The following PPP6R2 variants were observed in gnomAD, a reference collection of about 807,000 sequenced individuals.
PPP6R2 encodes protein phosphatase 6 regulatory subunit 2, also known as serine/threonine-protein phosphatase 6 regulatory subunit 2.
PPP6R2 carries 62 observed loss-of-function variants against 100.2 expected under a neutral mutation model. The observed-to-expected ratio is 0.62, with a 90% CI of 0.50 to 0.76. The LOEUF (loss-of-function observed/expected upper bound fraction) is 0.76, where lower values mean the gene tolerates loss of function less well. Ranked by LOEUF, PPP6R2 falls within the 30% of genes least tolerant of loss-of-function variation. The pLI, the probability that PPP6R2 is intolerant of heterozygous loss-of-function variation, is 0.00. For missense variants in PPP6R2, 1,142 were observed against 1,276.3 expected, an observed-to-expected ratio of 0.89 and a Z score of 1.60; for synonymous variants, 525 against 514.7, an observed-to-expected ratio of 1.02 and a Z score of -0.27.
At chr22:50,335,597 C>A in the PPP6R2 span, among the ~76,000 whole-genome samples, 3 of 151,282 alleles carry the variant, frequency 2.0e-5, no homozygotes, top group Non-Finnish European at 4.4e-5. Flanking sequence ...CTGCAACTTC[C>A]ACCTCCTGGG....
intron 12 of PPP6R2, 39 bp downstream of exon 12, chr22:50,432,368 A>C: frequency 1.3e-6 from 2 of 1,523,270 alleles, no homozygotes; most frequent in Non-Finnish European, 1.8e-6. Context: ...CAGCCTGGCC[A>C]GTCAGGGATG....
chr22:50,414,176 A>ATCAGC (rs1383194583), intron 4 of PPP6R2, among the ~76,000 whole-genome samples: 1 of 152,108 alleles, frequency 6.6e-6, no homozygotes, highest in African/African-American at 2.4e-5. Context: ...AGTGATGGCC[A>ATCAGC]TCAGCTCAGC....
In PPP6R2 at chr22:50,419,473, C is replaced by A. The variant is rs374045344; in HGVS notation, c.845+11C>A. 3 of 1,597,720 alleles carry A rather than the reference C, an allele frequency of 1.9e-6. No individual in the cohort carries two copies. Among genetic ancestry groups the A allele is most frequent in the East Asian group, 4.5e-5 (2 of 44,764 alleles). ...AACCAGGCGGGTTGGGTGAGTCTCA[C>A]GAGGAGAAATCGTGTAGAGCTGAAC... On this transcript the variant is annotated intron_variant, in intron 8 of 23. Coordinates refer to ENST00000612753, the MANE Select transcript of PPP6R2 (RefSeq NM_001242898.2).
intron 4 of PPP6R2, among the ~76,000 whole-genome samples, chr22:50,414,330 GGCCCCCCCCCCCCCCCCCCC>G (rs1345200291): frequency 1.4e-4 from 4 of 28,218 alleles, no homozygotes; most frequent in Admixed American, 1.2e-3. Context: ...CCTGTGCAGT[GGCCCCCCCCCCCCCCCCCCC>G]GCCCAGACCC....
chr22:50,373,615 G>A (rs1427823959), intron 2 of PPP6R2, among the ~76,000 whole-genome samples: 2 of 152,014 alleles, frequency 1.3e-5, no homozygotes, highest in Non-Finnish European at 2.9e-5. Context: ...GCAGTGGTGT[G>A]ATCATAGCTC....
chr22:50,360,156 G>A (rs28883654), intron 1 of PPP6R2, among the ~76,000 whole-genome samples: 34,305 of 151,012 alleles, frequency 0.23, 5,983 homozygotes, highest in African/African-American at 0.49. Context: ...GGGTTCAAGC[G>A]ATTCTCCTGC....
At chr22:50,427,376 A>G (rs1350160586) in intron 10 of PPP6R2, among the ~76,000 whole-genome samples, 1 of 152,116 alleles carries the variant, frequency 6.6e-6, no homozygotes, top group Non-Finnish European at 1.5e-5. Context: ...TGGCTATTCA[A>G]AGTCATCCCG....
chr22:50,342,508 C>G (rs1374965814), upstream of PPP6R2, among the ~76,000 whole-genome samples: 1 of 152,184 alleles, frequency 6.6e-6, no homozygotes, highest in Admixed American at 6.5e-5. Flanking sequence ...CCTAACAGCG[C>G]CAGCTGGCAA....
chr22:50,382,475 G>A (rs898048790), intron 2 of PPP6R2, among the ~76,000 whole-genome samples: 1 of 150,400 alleles, frequency 6.6e-6, no homozygotes, highest in African/African-American at 2.4e-5. Context: ...GCTCACGCCT[G>A]TAATCCCAGG....
chr22:50,421,338 G>GTGA (rs1417934176), intron 8 of PPP6R2, among the ~76,000 whole-genome samples: 8 of 152,074 alleles, frequency 5.3e-5, no homozygotes, highest in Non-Finnish European at 1.2e-4. Flanking sequence ...TTAGATTATT[G>GTGA]TGATTATTAT....
intron 2 of PPP6R2, among the ~76,000 whole-genome samples, chr22:50,385,542 TC>T (rs2054042569): frequency 6.9e-6 from 1 of 145,694 alleles, no homozygotes; most frequent in Non-Finnish European, 1.5e-5. Context: ...TGAGACGAAG[TC>T]TTGCTCTCAT....
intron 2 of PPP6R2, among the ~76,000 whole-genome samples, chr22:50,381,692 G>A (rs765173889): frequency 1.3e-5 from 2 of 152,002 alleles, no homozygotes; most frequent in Admixed American, 6.6e-5. Flanking sequence ...AGGCCGAGGC[G>A]GGTGGATCAC....
At chr22:50,340,449 G>T (rs1263409527), upstream of PPP6R2, among the ~76,000 whole-genome samples, 58 of 126,272 alleles carry the variant, frequency 4.6e-4, no homozygotes, top group African/African-American at 1.5e-3. Context: ...GTGGTATGTG[G>T]TGTGTGTGTG....
rs1158944282 is a variant in PPP6R2, at chr22:50,381,341, G to A, written c.-17+9191G>A. Among the ~76,000 whole-genome samples the A allele has an allele frequency of 1.9e-4, 14 of 72,456 alleles. 2 individuals are homozygous for A. Among genetic ancestry groups the A allele is most frequent in the African/African-American group, 1.1e-3 (14 of 12,666 alleles). 47.5% of individuals were successfully genotyped at this position (72,456 alleles called of 152,430 possible). Reference sequence around the variant, plus strand: ...TCAGCATCACACGGGCCTCACCTCAGCATCACACGGGCCCCACCTCAGCAC... The same window carrying A: ...TCAGCATCACACGGGCCTCACCTCAACATCACACGGGCCCCACCTCAGCAC... On this transcript the variant is annotated intron_variant, in intron 2 of 23. Transcript: ENST00000612753.
chr22:50,424,149 C>T (rs947299690), intron 10 of PPP6R2, among the ~76,000 whole-genome samples: 3 of 152,164 alleles, frequency 2.0e-5, no homozygotes, highest in East Asian at 3.9e-4. Context: ...CTGTGGGTGG[C>T]GGGCTCCTCT....
At chr22:50,387,228 G>C (rs1194017886) in intron 2 of PPP6R2, among the ~76,000 whole-genome samples, 2 of 151,954 alleles carry the variant, frequency 1.3e-5, no homozygotes, top group Admixed American at 6.6e-5. Flanking sequence ...TGCCCAGCTA[G>C]TTTTTAAAAC....
At chr22:50,432,434 G>A (rs1345938705) in intron 12 of PPP6R2, 105 bp downstream of exon 12, 15 of 1,151,430 alleles carry the variant, frequency 1.3e-5, no homozygotes, top group Non-Finnish European at 1.6e-5. Context: ...TGCAGGATCG[G>A]GTGGAGTGTA....
At chr22:50,368,672 G>A (rs189262524) in intron 1 of PPP6R2, among the ~76,000 whole-genome samples, 31 of 151,814 alleles carry the variant, frequency 2.0e-4, no homozygotes, top group African/African-American at 6.5e-4. Flanking sequence ...GTAGCTTGCC[G>A]CCCACAATAC....
intron 1 of PPP6R2, among the ~76,000 whole-genome samples, chr22:50,355,123 G>A (rs1466084402): frequency 6.6e-6 from 1 of 151,798 alleles, no homozygotes; most frequent in Non-Finnish European, 1.5e-5. Context: ...GACTACAGGC[G>A]TGAGCCACTT....
Sources: gnomAD v4.1 joint callset for allele counts (sites outside exome capture counted in the v4.1 genomes callset) on GRCh38, gnomAD v4.1.1 for gene constraint, MANE v1.5 for transcripts, NCBI Gene and HGNC (gene_info 2026-07-23, HGNC 2026-07-21) for gene names.